PCSK2: variants seen among roughly 807,000 people sequenced by gnomAD.
PCSK2 encodes the protein neuroendocrine convertase 2.
PCSK2 carries 14 observed loss-of-function variants against 69.7 expected under a neutral mutation model. The ratio of observed to expected loss-of-function variants is 0.20; its 90% CI spans 0.13 to 0.31. The LOEUF (loss-of-function observed/expected upper bound fraction) is 0.31. Ranked by LOEUF, PCSK2 falls within the 10% of genes least tolerant of loss-of-function variation. The probability of loss-of-function intolerance (pLI) is 1.00; values close to 1 mark genes in which losing one functional copy is unlikely to be tolerated. For synonymous variants in PCSK2, 307 were observed against 320.7 expected, an observed-to-expected ratio of 0.96 and a Z score of 0.46; for missense variants, 544 against 842.5, an observed-to-expected ratio of 0.65 and a Z score of 4.39.
At chr20:17,303,543 ATATGATAT>A (rs1989221960) in intron 2 of PCSK2, among the ~76,000 whole-genome samples, 1 of 32,522 alleles carries the variant, frequency 3.1e-5, no homozygotes, top group Non-Finnish European at 5.9e-5. Flanking sequence ...ATTATATATA[ATATGATAT>A]AATATATATT....
chr20:17,367,897 G>C (rs528269244), intron 4 of PCSK2, among the ~76,000 whole-genome samples: 2 of 152,124 alleles, frequency 1.3e-5, no homozygotes, highest in African/African-American at 2.4e-5. Flanking sequence ...TGAAGACTTC[G>C]GGAGGCAAGT....
intron 2 of PCSK2, among the ~76,000 whole-genome samples, chr20:17,336,757 T>C (rs1473522904): frequency 6.6e-6 from 1 of 152,194 alleles, no homozygotes; most frequent in Non-Finnish European, 1.5e-5. Flanking sequence ...GTGGAAAATA[T>C]TTCCAACCAA....
chr20:17,428,213 C>T (rs1024498434), intron 6 of PCSK2, among the ~76,000 whole-genome samples: 1 of 152,194 alleles, frequency 6.6e-6, no homozygotes, highest in Admixed American at 6.5e-5. Context: ...TACACTTGTC[C>T]TCCAGCCTTT....
chr20:17,287,698 G>A (rs916918459), intron 2 of PCSK2, among the ~76,000 whole-genome samples: 6 of 152,152 alleles, frequency 3.9e-5, no homozygotes, highest in Admixed American at 3.3e-4. Flanking sequence ...CACAGGTGGC[G>A]CTGTCCTTTC....
At chr20:17,366,058 T>C (rs1223942764) in intron 4 of PCSK2, among the ~76,000 whole-genome samples, 1 of 152,180 alleles carries the variant, frequency 6.6e-6, no homozygotes, top group Non-Finnish European at 1.5e-5. Flanking sequence ...GGGTTTTCTA[T>C]GGTAGCCCCA....
Position 17,391,986 on chromosome 20 carries a change from G to A in PCSK2, c.544-17277G>A, listed in dbSNP as rs1276879868. On this transcript the variant is annotated intron_variant, in intron 5 of 11. Transcript: ENST00000262545. Reference sequence around the variant, plus strand: ...AAGGAAAGGAAGGAAGGGAAGGGAAGGAAGGAAAGGAAGGAAAGGAAGGAA... The same window carrying A: ...AAGGAAAGGAAGGAAGGGAAGGGAAAGAAGGAAAGGAAGGAAAGGAAGGAA... 5.0e-5 allele frequency among the ~76,000 whole-genome samples: 6 copies of A among 120,466 alleles called. No homozygotes were observed. The South Asian group carries it at 1.4e-3, about 28-fold the overall frequency. The allele number at this position is 120,466 out of a possible 152,430, so 79.0% of individuals were successfully genotyped here.
At chr20:17,335,597 C>T (rs115290224) in intron 2 of PCSK2, among the ~76,000 whole-genome samples, 1,532 of 152,090 alleles carry the variant, frequency 0.01, 33 homozygotes, top group African/African-American at 0.035. Flanking sequence ...ACCCATCACC[C>T]GAGCATTGTA....
chr20:17,405,059 T>C (rs1349651455), intron 5 of PCSK2, among the ~76,000 whole-genome samples: 1 of 152,236 alleles, frequency 6.6e-6, no homozygotes, highest in African/African-American at 2.4e-5. Flanking sequence ...AGGTGAGGCA[T>C]TGCCCATACT....
intron 2 of PCSK2, among the ~76,000 whole-genome samples, chr20:17,348,927 C>T (rs2029890859): frequency 6.6e-6 from 1 of 152,114 alleles, no homozygotes; most frequent in South Asian, 2.1e-4. Context: ...GAGTCCAGCC[C>T]ACAACAGGCA....
intron 2 of PCSK2, among the ~76,000 whole-genome samples, chr20:17,309,781 A>G (rs574066934): frequency 6.6e-6 from 1 of 151,866 alleles, no homozygotes; most frequent in African/African-American, 2.4e-5. Flanking sequence ...TCATGCCACT[A>G]TACTCCAGCC....
At chr20:17,423,640 T>C (rs1221166775) in intron 6 of PCSK2, among the ~76,000 whole-genome samples, 1 of 81,586 alleles carries the variant, frequency 1.2e-5, no homozygotes, top group Non-Finnish European at 2.9e-5. Flanking sequence ...TAAACACTTT[T>C]GTACAAAAAA....
At chr20:17,299,132 G>T (rs892408287) in intron 2 of PCSK2, among the ~76,000 whole-genome samples, 2 of 151,948 alleles carry the variant, frequency 1.3e-5, no homozygotes, top group Admixed American at 6.6e-5. Context: ...TGCTAGAAAG[G>T]TCTTGTCTAT....
chr20:17,386,384 C>T (rs2031234445), intron 5 of PCSK2, among the ~76,000 whole-genome samples: 1 of 152,164 alleles, frequency 6.6e-6, no homozygotes, highest in Non-Finnish European at 1.5e-5. Flanking sequence ...AAATGTATTA[C>T]ATACATATAA....
At chr20:17,473,676 G>A (rs1008264562) in intron 11 of PCSK2, among the ~76,000 whole-genome samples, 1 of 152,150 alleles carries the variant, frequency 6.6e-6, no homozygotes, top group Non-Finnish European at 1.5e-5. Context: ...CAAATGAAGA[G>A]AGAAACAAGA....
chr20:17,266,307 G>A (rs947265642), intron 2 of PCSK2, among the ~76,000 whole-genome samples: 1 of 152,164 alleles, frequency 6.6e-6, no homozygotes, highest in African/African-American at 2.4e-5. Context: ...CTTTCTGGGG[G>A]TGAGCCTGTA....
chr20:17,330,106 T>C (rs1990171736), intron 2 of PCSK2, among the ~76,000 whole-genome samples: 1 of 152,210 alleles, frequency 6.6e-6, no homozygotes, highest in Non-Finnish European at 1.5e-5. Flanking sequence ...AAAATTATAA[T>C]GAGATATTTT....
intron 2 of PCSK2, among the ~76,000 whole-genome samples, chr20:17,344,908 C>T (rs1444140838): frequency 1.3e-5 from 2 of 151,322 alleles, no homozygotes; most frequent in African/African-American, 4.9e-5. Flanking sequence ...GGAAACTGCC[C>T]AAGGCTTTCA....
intron 2 of PCSK2, among the ~76,000 whole-genome samples, chr20:17,320,283 T>G (rs960665324): frequency 6.6e-6 from 1 of 152,164 alleles, no homozygotes; most frequent in African/African-American, 2.4e-5. Context: ...TAGGACATAC[T>G]CTGAAACCTG....
chr20:17,477,286 G>A (rs989481118), intron 11 of PCSK2, among the ~76,000 whole-genome samples: 1 of 152,182 alleles, frequency 6.6e-6, no homozygotes, highest in African/African-American at 2.4e-5. Context: ...CAATGGGCCA[G>A]TACATGTGCC....
Sources: allele counts gnomAD v4.1 joint callset (sites outside exome capture counted in the v4.1 genomes callset), GRCh38; gene constraint gnomAD v4.1.1; transcripts MANE v1.5; gene names NCBI Gene and HGNC (gene_info 2026-07-23, HGNC 2026-07-21).